Variants in VAV2 observed in about 807,000 individuals in gnomAD.
The protein encoded by VAV2 is vav guanine nucleotide exchange factor 2.
A neutral mutation model predicts 132.5 loss-of-function variants in VAV2; 67 were observed. The observed-to-expected ratio is 0.51, with a 90% CI of 0.42 to 0.62. VAV2 has a LOEUF of 0.62. Among genes scored for constraint, VAV2 ranks in the 20% least tolerant of loss-of-function variants. The pLI is 0.00. For synonymous variants in VAV2, 492 were observed against 443.5 expected, an observed-to-expected ratio of 1.11 and a Z score of -1.37; for missense variants, 938 against 1,153.6, an observed-to-expected ratio of 0.81 and a Z score of 2.71.
intron 1 of VAV2, among the ~76,000 whole-genome samples, chr9:133,985,233 T>A (rs1327757605): frequency 1.2e-3 from 46 of 38,524 alleles, no homozygotes; most frequent in African/African-American, 3.9e-3. Context: ...TTATTGTGTG[T>A]GTGTGTGTGT....
At chr9:133,785,047 C>T (rs999699294) in intron 17 of VAV2, among the ~76,000 whole-genome samples, 2 of 152,172 alleles carry the variant, frequency 1.3e-5, no homozygotes, top group Non-Finnish European at 2.9e-5. Context: ...AGGCCTCCCC[C>T]ACAGAGCCTG....
intron 1 of VAV2, among the ~76,000 whole-genome samples, chr9:133,964,163 G>A (rs1043740688): frequency 6.7e-6 from 1 of 149,926 alleles, no homozygotes; most frequent in African/African-American, 2.4e-5. Context: ...TTCAAGACCA[G>A]TCTGAGCAAC....
intron 3 of VAV2, among the ~76,000 whole-genome samples, chr9:133,847,449 G>A (rs1588262431): frequency 6.6e-6 from 1 of 152,222 alleles, no homozygotes; most frequent in Non-Finnish European, 1.5e-5. Flanking sequence ...ACCCTAAAGG[G>A]GCAGTGGAGC....
chr9:133,884,685 A>G lies in VAV2; in HGVS notation c.322-23253T>C, dbSNP rs754768892. On this transcript the variant is annotated intron_variant, in intron 2 of 29. Transcript: ENST00000371850. This position sits in a 1 kb window ranked among gnomAD's most constrained non-coding sequence, Gnocchi z 5.3. The stretch of plus-strand genomic sequence containing the variant: ...TTGCTAAAAAGAAAAACAAAAAAAA[A>G]CACCTCTGGCTTTAAAAATGTTTTA... 6.6e-6 allele frequency among the ~76,000 whole-genome samples: 1 copy of G among 152,220 alleles called. No individual in the cohort carries two copies. The highest frequency in any genetic ancestry group is 1.5e-5 in the Non-Finnish European group (1 of 68,038).
intron 1 of VAV2, among the ~76,000 whole-genome samples, chr9:133,942,253 G>T (rs1287796199): frequency 6.6e-6 from 1 of 152,242 alleles, no homozygotes; most frequent in Non-Finnish European, 1.5e-5. Context: ...GCAACTGGGA[G>T]TGACACAGCT....
intron 2 of VAV2, among the ~76,000 whole-genome samples, chr9:133,907,415 T>A (rs1193919345): frequency 6.6e-6 from 1 of 152,156 alleles, no homozygotes; most frequent in Non-Finnish European, 1.5e-5. Context: ...TTGTCCCTCA[T>A]ACAAAAGACA....
chr9:133,764,165 T>C (rs1833358008), intron 29 of VAV2, 56 bp from the exon 30 acceptor site: 17 of 1,610,560 alleles, frequency 1.1e-5, no homozygotes, highest in Non-Finnish European at 1.4e-5. Flanking sequence ...TAAGCAGGTG[T>C]GTGCATGTCT....
intron 3 of VAV2, among the ~76,000 whole-genome samples, chr9:133,847,348 C>T (rs1020800401): frequency 1.3e-5 from 2 of 152,206 alleles, no homozygotes; most frequent in Non-Finnish European, 2.9e-5. Context: ...GACCTTGCAC[C>T]GCGCCTCAGC....
chr9:133,832,951 G>A (rs7018604), intron 4 of VAV2, among the ~76,000 whole-genome samples: 2,828 of 152,152 alleles, frequency 0.019, 75 homozygotes, highest in African/African-American at 0.065. Flanking sequence ...GACCTGCATG[G>A]CCCCTGTGCC....
In VAV2 at chr9:133,794,831, C is replaced by T. The variant is rs964045892; in HGVS notation, c.1101+837G>A. On this transcript the variant is annotated intron_variant, in intron 12 of 29. Transcript: ENST00000371850. The surrounding 1 kb of genome is among the most constrained non-coding windows in gnomAD (Gnocchi z 4.6). ...ATGCCTGGCTGGGAAGGAGATGGCA[C>T]GAACAAGTGTGTCCAGGAGGAAGAG... is the stretch of plus-strand genomic sequence containing the variant. Among the ~76,000 whole-genome samples, 3 of 152,160 alleles carry T rather than the reference C, an allele frequency of 2.0e-5. No homozygotes were observed. Among genetic ancestry groups the T allele is most frequent in the South Asian group, 2.1e-4 (1 of 4,834 alleles).
chr9:133,907,617 A>G (rs1044188122), intron 2 of VAV2, among the ~76,000 whole-genome samples: 1 of 152,218 alleles, frequency 6.6e-6, no homozygotes, highest in East Asian at 1.9e-4. Flanking sequence ...GCTGGAATCA[A>G]AACTGATTTA....
intron 2 of VAV2, among the ~76,000 whole-genome samples, chr9:133,898,142 G>A (rs1360491565): frequency 1.3e-5 from 2 of 152,112 alleles, no homozygotes; most frequent in Non-Finnish European, 2.9e-5. Flanking sequence ...GGACCTCGGA[G>A]ATGGGCCTGC....
intron 25 of VAV2, among the ~76,000 whole-genome samples, chr9:133,774,579 C>G (rs1384178508): frequency 2.0e-5 from 3 of 152,216 alleles, no homozygotes; most frequent in African/African-American, 4.8e-5. Flanking sequence ...GGTCCACTCT[C>G]TCAACCTGTG....
At chr9:133,798,789 T>G (rs1457575584) in intron 9 of VAV2, among the ~76,000 whole-genome samples, 1 of 152,174 alleles carries the variant, frequency 6.6e-6, no homozygotes, top group Non-Finnish European at 1.5e-5. Context: ...TGGGGGTGAT[T>G]AGCCCCACTC....
rs1387105409 is a variant in VAV2, at chr9:133,935,834, C to T, written c.321+3269G>A. On this transcript the variant is annotated intron_variant, in intron 2 of 29. Transcript: ENST00000371850. The surrounding 1 kb of genome is among the most constrained non-coding windows in gnomAD (Gnocchi z 5.2). ...CCAGGCCCACGCTGAAGGGCAAGTG[C>T]GGGTTCCGGCTCCATTGCTCCCAAG... 6.6e-6 allele frequency among the ~76,000 whole-genome samples: 1 copy of T among 152,162 alleles called. No homozygotes were observed. The highest frequency in any genetic ancestry group is 2.4e-5 in the African/African-American group (1 of 41,442).
At chr9:133,939,289 C>T in intron 1 of VAV2, 70 bp from the exon 2 acceptor site, 1 of 1,311,024 alleles carries the variant, frequency 7.6e-7, no homozygotes, top group Non-Finnish European at 1.1e-6. Context: ...AAAACCGTAA[C>T]AGCAACAGCA....
intron 12 of VAV2, among the ~76,000 whole-genome samples, chr9:133,792,117 G>GGCTGTACTGGGTGGGGTGTGTGTGATT (rs1564351577): frequency 6.7e-4 from 31 of 46,254 alleles, no homozygotes; most frequent in South Asian, 1.7e-3. Context: ...TACTGTGTGG[G>GGCTGTACTGGGTGGGGTGTGTGTGATT]GTGTGTGTGA....
intron 1 of VAV2, among the ~76,000 whole-genome samples, chr9:133,982,877 C>T (rs931214527): frequency 1.3e-5 from 2 of 152,202 alleles, no homozygotes; most frequent in Non-Finnish European, 2.9e-5. Context: ...AGCATTGCCA[C>T]GCTCCTCCGT....
At chr9:133,925,880 C>CA (rs769341055) in intron 2 of VAV2, 5 of 151,736 alleles carry the variant, frequency 3.3e-5, no homozygotes, top group Non-Finnish European at 7.4e-5. Flanking sequence ...TTCTTGGTCT[C>CA]ATTTGGCTTT....
Sources: gnomAD v4.1 joint callset for allele counts (sites outside exome capture counted in the v4.1 genomes callset) on GRCh38, gnomAD v4.1.1 for gene constraint, Gnocchi (gnomAD v3.1) non-coding constraint, MANE v1.5 for transcripts, NCBI Gene and HGNC (gene_info 2026-07-23, HGNC 2026-07-21) for gene names.